Variants in CNTNAP5 observed in about 807,000 individuals in gnomAD.
CNTNAP5 encodes contactin-associated protein-like 5.
In CNTNAP5, 72 loss-of-function variants were observed where a neutral mutation model predicts 150.2. That is an observed-to-expected ratio of 0.48 (90% CI 0.40 to 0.58). CNTNAP5 has a LOEUF of 0.58. Among genes scored for constraint, CNTNAP5 ranks in the 20% least tolerant of loss-of-function variants. The probability of loss-of-function intolerance (pLI) is 0.00; values close to 1 mark genes in which losing one functional copy is unlikely to be tolerated. For synonymous variants in CNTNAP5, 672 were observed against 619.8 expected, an observed-to-expected ratio of 1.08 and a Z score of -1.25; for missense variants, 1,636 against 1,626.2, an observed-to-expected ratio of 1.01 and a Z score of -0.10.
intron 13 of CNTNAP5, among the ~76,000 whole-genome samples, chr2:124,695,660 G>A (rs1679390650): frequency 6.6e-6 from 1 of 152,178 alleles, no homozygotes; most frequent in African/African-American, 2.4e-5. Context: ...TCTCAAGAAA[G>A]TCTGTGTTAA....
chr2:124,223,715 A>C (rs1369833464), intron 2 of CNTNAP5, among the ~76,000 whole-genome samples: 1 of 151,900 alleles, frequency 6.6e-6, no homozygotes, highest in Non-Finnish European at 1.5e-5. Context: ...TTGAGTGAGG[A>C]CAAGTGTCTT....
intron 13 of CNTNAP5, among the ~76,000 whole-genome samples, chr2:124,698,304 C>T (rs1167774044): frequency 6.6e-6 from 1 of 151,246 alleles, no homozygotes; most frequent in Non-Finnish European, 1.5e-5. Context: ...AAACAGGCCT[C>T]ATTCTCTGCA....
At chr2:124,874,012 A>T (rs536614191) in intron 21 of CNTNAP5, among the ~76,000 whole-genome samples, 20 of 152,180 alleles carry the variant, frequency 1.3e-4, no homozygotes, top group African/African-American at 4.3e-4. Context: ...AGATACTGTT[A>T]TAAATAAAGC....
At chr2:124,288,010 G>A (rs1265190175) in intron 3 of CNTNAP5, among the ~76,000 whole-genome samples, 2 of 152,094 alleles carry the variant, frequency 1.3e-5, no homozygotes, top group Non-Finnish European at 2.9e-5. Context: ...GCTCACTGCA[G>A]CCATGACCTC....
At position 124,143,014 on chromosome 2, in the gene CNTNAP5, T is replaced by C. The variant is rs562819734; in HGVS notation, c.83-78691T>C. Among the ~76,000 whole-genome samples, 293 of 63,902 alleles carry C rather than the reference T, an allele frequency of 4.6e-3. 3 individuals are homozygous for C. Among genetic ancestry groups the C allele is most frequent in the African/African-American group, 0.019 (278 of 14,638 alleles). 41.9% of individuals were successfully genotyped at this position (63,902 alleles called of 152,430 possible). On this transcript the variant is annotated intron_variant, in intron 1 of 23. Coordinates refer to ENST00000682447, the MANE Select transcript of CNTNAP5 (RefSeq NM_001367498.1). Reference sequence around the variant, plus strand: ...ACCATCAGAGAATACTACAAACACCTCTACGCAAATAAACTAGAAAATCTA... The same window carrying C: ...ACCATCAGAGAATACTACAAACACCCCTACGCAAATAAACTAGAAAATCTA...
intron 22 of CNTNAP5, among the ~76,000 whole-genome samples, chr2:124,911,166 G>A (rs1418379305): frequency 6.6e-6 from 1 of 151,880 alleles, no homozygotes; most frequent in African/African-American, 2.4e-5. Context: ...CTAGGCAACA[G>A]GGGACATTAG....
rs563335281 is a variant in CNTNAP5 at position 124,324,549 on chromosome 2, T to C, written c.381+82156T>C. Among the ~76,000 whole-genome samples, 3 of 151,900 alleles carry C rather than the reference T, an allele frequency of 2.0e-5. No homozygotes were observed. The South Asian group carries it at 6.2e-4, about 32-fold the overall frequency. ...CAGCCAGCTAATTGGGTCCCTTGAGTTTGGAGGGACGGGTAAAAAGTGGGA... is the reference window on the plus strand; with the variant it reads ...CAGCCAGCTAATTGGGTCCCTTGAGCTTGGAGGGACGGGTAAAAAGTGGGA... On this transcript the variant is annotated intron_variant, in intron 3 of 23. Transcript: ENST00000682447.
chr2:124,639,660 A>C (rs954973371), intron 12 of CNTNAP5, among the ~76,000 whole-genome samples: 2 of 152,134 alleles, frequency 1.3e-5, no homozygotes, highest in African/African-American at 4.8e-5. Flanking sequence ...CACAACAAAC[A>C]CAAGAACTGT....
chr2:124,241,689 T>C lies in CNTNAP5; in HGVS notation c.188-511T>C, dbSNP rs115214945. Among the ~76,000 whole-genome samples, 1,300 of 152,290 alleles carry C rather than the reference T, an allele frequency of 8.5e-3. 14 individuals are homozygous for C. Among genetic ancestry groups the C allele is most frequent in the Non-Finnish European group, 0.015 (1,026 of 68,034 alleles). Reference sequence around the variant, plus strand: ...AAGGCATAGTCGGTGTCCTTTCATCTTTGTATCTGCAGCACAATATCTTGA... The same window carrying C: ...AAGGCATAGTCGGTGTCCTTTCATCCTTGTATCTGCAGCACAATATCTTGA... On this transcript the variant is annotated intron_variant, in intron 2 of 23. Coordinates refer to ENST00000682447, the MANE Select transcript of CNTNAP5 (RefSeq NM_001367498.1).
chr2:124,334,684 GT>G (rs1240897959), intron 3 of CNTNAP5, among the ~76,000 whole-genome samples: 5 of 152,094 alleles, frequency 3.3e-5, no homozygotes, highest in Non-Finnish European at 7.4e-5. Context: ...TTTTACTTTT[GT>G]TTTAGGTCAG....
chr2:124,781,161 C>A (rs895693091), intron 17 of CNTNAP5, among the ~76,000 whole-genome samples: 3 of 152,236 alleles, frequency 2.0e-5, no homozygotes, highest in African/African-American at 7.2e-5. Context: ...AAATATTTTC[C>A]AAGTGCATGC....
At chr2:124,239,706 T>TA (rs1216997822) in intron 2 of CNTNAP5, among the ~76,000 whole-genome samples, 1 of 151,128 alleles carries the variant, frequency 6.6e-6, no homozygotes, top group Non-Finnish European at 1.5e-5. Flanking sequence ...TTTTTTTTTT[T>TA]ACTGAGAAAG....
chr2:124,607,307 G>A (rs911522657), intron 11 of CNTNAP5, among the ~76,000 whole-genome samples: 8 of 152,084 alleles, frequency 5.3e-5, no homozygotes, highest in Admixed American at 3.9e-4. Context: ...TCTTGCTTTG[G>A]TGCCCATTCT....
rs1007521882 is a variant in CNTNAP5, at chr2:124,089,377, G to A, written c.82+63645G>A. 5.3e-5 allele frequency among the ~76,000 whole-genome samples: 8 copies of A among 151,854 alleles called. No homozygotes were observed. The East Asian group carries it at 1.4e-3, about 26-fold the overall frequency. ...ATTTCAAATTTTTACTACACTCTTG[G>A]TGTTTTTCCAGTTGTACAAATGAGG... On this transcript the variant is annotated intron_variant, in intron 1 of 23. Transcript: ENST00000682447.
intron 3 of CNTNAP5, among the ~76,000 whole-genome samples, chr2:124,306,581 G>A (rs1466455060): frequency 1.3e-5 from 2 of 152,160 alleles, no homozygotes; most frequent in Non-Finnish European, 2.9e-5. Flanking sequence ...CTAACAGTGT[G>A]CACTGCACAG....
At chr2:124,351,986 A>T (rs1176930326) in intron 3 of CNTNAP5, among the ~76,000 whole-genome samples, 1 of 152,140 alleles carries the variant, frequency 6.6e-6, no homozygotes, top group Non-Finnish European at 1.5e-5. Context: ...CTTGAACTTA[A>T]TTGGCAGTAG....
chr2:124,454,060 A>C (rs572781743), intron 6 of CNTNAP5, among the ~76,000 whole-genome samples: 1 of 152,322 alleles, frequency 6.6e-6, no homozygotes, highest in South Asian at 2.1e-4. Context: ...CAAAACTAAC[A>C]TTGAATATAA....
intron 7 of CNTNAP5, among the ~76,000 whole-genome samples, chr2:124,503,707 G>T (rs1016607527): frequency 6.6e-6 from 1 of 152,072 alleles, no homozygotes; most frequent in African/African-American, 2.4e-5. Flanking sequence ...TATGCTACCC[G>T]GACCTTCCTG....
Position 124,861,015 on chromosome 2 carries a change from C to T in CNTNAP5, c.3218-4291C>T, listed in dbSNP as rs569424127. Among the ~76,000 whole-genome samples the T allele has an allele frequency of 5.3e-5, 8 of 151,418 alleles. No homozygotes were observed. In the East Asian group the frequency reaches 1.2e-3, roughly 22 times the overall value. ...TACTTCCCAGCAGCTCTATTTTTTC[C>T]GCAGTAAAGTGAAGAAAATTAAAGA... is the stretch of plus-strand genomic sequence containing the variant. On this transcript the variant is annotated intron_variant, in intron 19 of 23. Transcript: ENST00000682447.
Sources: gnomAD v4.1 joint callset for allele counts (sites outside exome capture counted in the v4.1 genomes callset) on GRCh38, gnomAD v4.1.1 for gene constraint, MANE v1.5 for transcripts, NCBI Gene and HGNC (gene_info 2026-07-23, HGNC 2026-07-21) for gene names.